CNTN4: variants seen among roughly 807,000 people sequenced by gnomAD.
The protein encoded by CNTN4 is contactin 4.
In CNTN4, 77 loss-of-function variants were observed where a neutral mutation model predicts 122.5. The ratio of observed to expected loss-of-function variants is 0.63; its 90% confidence interval spans 0.52 to 0.76. CNTN4 has a LOEUF of 0.76. CNTN4 is among the 30% of genes least tolerant of loss of function. CNTN4 has a pLI of 0.00. For synonymous variants in CNTN4, 512 were observed against 447.0 expected (o/e 1.15, Z -1.83); for missense variants, 1,256 against 1,259.1 (o/e 1.00, Z 0.04).
At chr3:2,587,566 A>G (rs1167408315) in intron 4 of CNTN4, among the ~76,000 whole-genome samples, 1 of 152,196 alleles carries the variant, frequency 6.6e-6, no homozygotes, top group Non-Finnish European at 1.5e-5. Flanking sequence ...CTTTGGTTTT[A>G]ATGTAATATT....
At chr3:2,559,037 A>G (rs1455699957) in intron 3 of CNTN4, among the ~76,000 whole-genome samples, 1 of 152,214 alleles carries the variant, frequency 6.6e-6, no homozygotes, top group Admixed American at 6.5e-5. Context: ...AGTCAGCCTG[A>G]TTAAACAAAG....
intron 7 of CNTN4, among the ~76,000 whole-genome samples, chr3:2,823,628 T>C (rs938780677): frequency 2.0e-5 from 3 of 152,218 alleles, no homozygotes; most frequent in African/African-American, 7.2e-5. Flanking sequence ...GTCCAGAATG[T>C]CCACTTTGCT....
chr3:2,289,712 G>C (rs2042064046), intron 2 of CNTN4, among the ~76,000 whole-genome samples: 1 of 152,138 alleles, frequency 6.6e-6, no homozygotes, highest in Non-Finnish European at 1.5e-5. Context: ...GAGAAAATAA[G>C]ATAATGAAGA....
At chr3:2,302,727 T>C (rs1397489890) in intron 2 of CNTN4, among the ~76,000 whole-genome samples, 1 of 152,226 alleles carries the variant, frequency 6.6e-6, no homozygotes, top group East Asian at 1.9e-4. Flanking sequence ...CTGCCCACTT[T>C]AGATGCTAAG....
At chr3:2,442,083 T>A (rs900581921) in intron 3 of CNTN4, among the ~76,000 whole-genome samples, 2 of 152,174 alleles carry the variant, frequency 1.3e-5, no homozygotes, top group Admixed American at 6.6e-5. Flanking sequence ...TGAAACAAAA[T>A]TGATTTATAA....
chr3:2,328,264 G>A (rs1487659403), intron 2 of CNTN4, among the ~76,000 whole-genome samples: 1 of 150,576 alleles, frequency 6.6e-6, no homozygotes, highest in Non-Finnish European at 1.5e-5. Flanking sequence ...AAATTAGCCG[G>A]GCGTGGTGGC....
At chr3:2,599,789 T>A (rs1175027317) in intron 4 of CNTN4, among the ~76,000 whole-genome samples, 2 of 152,114 alleles carry the variant, frequency 1.3e-5, no homozygotes, top group East Asian at 1.9e-4. Flanking sequence ...GTCAATTCTC[T>A]AGCAGAGATC....
intron 13 of CNTN4, among the ~76,000 whole-genome samples, chr3:2,977,934 G>T (rs13321946): frequency 0.05 from 7,631 of 152,224 alleles, 215 homozygotes; most frequent in Middle Eastern, 0.075. Flanking sequence ...ACACACATCC[G>T]CACCATGTGA....
chr3:2,998,605 C>A (rs902660477), intron 14 of CNTN4, among the ~76,000 whole-genome samples: 3 of 151,438 alleles, frequency 2.0e-5, no homozygotes, highest in African/African-American at 7.3e-5. Context: ...GTAAAGGTGA[C>A]AATTGAACAG....
At chr3:2,373,196 G>T (rs1316177513) in intron 3 of CNTN4, among the ~76,000 whole-genome samples, 5 of 152,224 alleles carry the variant, frequency 3.3e-5, no homozygotes, top group African/African-American at 1.2e-4. Context: ...TACAGATTCA[G>T]TGATGACTGT....
At chr3:3,013,910 G>A (rs1213697277) in intron 14 of CNTN4, among the ~76,000 whole-genome samples, 2 of 151,984 alleles carry the variant, frequency 1.3e-5, no homozygotes, top group Non-Finnish European at 2.9e-5. Context: ...GTACCTATTT[G>A]TTATAACCTA....
chr3:2,103,913 G>A (rs987012426), intron 2 of CNTN4, among the ~76,000 whole-genome samples: 1 of 152,068 alleles, frequency 6.6e-6, no homozygotes, highest in Non-Finnish European at 1.5e-5. Context: ...GTTCCCAGTG[G>A]CTGCAGTGGA....
rs566245362 is a variant in CNTN4, at chr3:2,588,868, A to G, written c.55+17310A>G. 6.6e-5 allele frequency among the ~76,000 whole-genome samples: 10 copies of G among 151,174 alleles called. No homozygotes were observed. In the East Asian group the frequency reaches 1.7e-3, roughly 26 times the overall value. On this transcript the variant is annotated intron_variant, in intron 4 of 24. Coordinates refer to ENST00000418658, the MANE Select transcript of CNTN4 (RefSeq NM_175607.3). Reference sequence around the variant, plus strand: ...CTGGCAACAGTGATCCAGATGAATCATATTTTTGTGTGTGATCAGTTTTTC... The same window carrying G: ...CTGGCAACAGTGATCCAGATGAATCGTATTTTTGTGTGTGATCAGTTTTTC...
rs1005362629 is a variant in CNTN4 at position 2,745,403 on chromosome 3, C to T, written c.183-119C>T. 2.7e-5 allele frequency: 24 copies of T among 878,516 alleles called. No individual in the cohort carries two copies. The Admixed American group carries it at 4.6e-4, about 17-fold the overall frequency. 54.4% of individuals were successfully genotyped at this position (878,516 alleles called of 1,614,324 possible). On this transcript the variant is annotated intron_variant, in intron 5 of 24. Transcript: ENST00000418658. ...GAGCATTTCTAACTTCTTAATCATG[C>T]TTTTTACAAAAGTCACAAATGATTT...
Position 2,613,940 on chromosome 3 carries a change from A to G in CNTN4, c.55+42382A>G, listed in dbSNP as rs148099444. Reference sequence around the variant, plus strand: ...AGTCCACAAATACTGAGTACCTTCTATGTGCTGACCGCTGTTCTAACCCTC... The same window carrying G: ...AGTCCACAAATACTGAGTACCTTCTGTGTGCTGACCGCTGTTCTAACCCTC... On this transcript the variant is annotated intron_variant, in intron 4 of 24. Coordinates refer to ENST00000418658, the MANE Select transcript of CNTN4 (RefSeq NM_175607.3). Among the ~76,000 whole-genome samples the G allele has an allele frequency of 5.3e-5, 8 of 152,198 alleles. No individual in the cohort carries two copies. In the East Asian group the frequency reaches 1.5e-3, roughly 29 times the overall value.
chr3:2,266,671 A>G (rs1242429095), intron 2 of CNTN4, among the ~76,000 whole-genome samples: 7 of 152,076 alleles, frequency 4.6e-5, no homozygotes, highest in Non-Finnish European at 1.0e-4. Flanking sequence ...TGAAGAATTT[A>G]TAATGTCTTC....
Position 2,866,817 on chromosome 3 carries a change from C to T in CNTN4, c.520C>T (p.Gln174Ter). ...TCAGGATAATCGCCGCTTTGTTTCTCAAGAGACTGGGAATCTGTATATTGC... is the reference window on the plus strand; with the variant it reads ...TCAGGATAATCGCCGCTTTGTTTCTTAAGAGACTGGGAATCTGTATATTGC... ...SYQDNRRFVS[Q>*]ETGNLYIAKV... Residue 174 changes from glutamine to a stop codon, truncating the protein, a stop_gained, in exon 8 of 25, where the codon CAA (glutamine) becomes TAA (stop). Transcript: ENST00000418658. LOFTEE classifies it high-confidence loss of function. The T allele has an allele frequency of 6.2e-7, 1 of 1,613,916 alleles. No homozygotes were observed. Among genetic ancestry groups the T allele is most frequent in the Non-Finnish European group, 8.5e-7 (1 of 1,179,880 alleles).
Position 2,142,173 on chromosome 3 carries a change from CAG to C in CNTN4, c.-145+41535_-145+41536del, listed in dbSNP as rs372877639. ...CAAAGAAGGAAGTAAAGGATGTAAA[CAG>C]TGTGGGTGCTTATATTTTTTTCCAA... On this transcript the variant is annotated intron_variant, in intron 2 of 24. Transcript: ENST00000418658. Among the ~76,000 whole-genome samples the C allele has an allele frequency of 4.4e-3, 664 of 152,284 alleles. 5 individuals carry two copies. Among genetic ancestry groups the C allele is most frequent in the African/African-American group, 0.015 (629 of 41,558 alleles).
At chr3:2,163,646 A>G (rs1227903336) in intron 2 of CNTN4, among the ~76,000 whole-genome samples, 1 of 149,932 alleles carries the variant, frequency 6.7e-6, no homozygotes, top group Non-Finnish European at 1.5e-5. Context: ...GGAACTCAAG[A>G]AAAAAAAAAC....
Sources: allele counts gnomAD v4.1 joint callset (sites outside exome capture counted in the v4.1 genomes callset), GRCh38; gene constraint gnomAD v4.1.1; transcripts MANE v1.5; gene names NCBI Gene and HGNC (gene_info 2026-07-23, HGNC 2026-07-21).